NEDD4: variants seen among roughly 807,000 people sequenced by gnomAD.
The protein encoded by NEDD4 is NEDD4 E3 ubiquitin protein ligase.
In NEDD4, 99 loss-of-function variants were observed where a neutral mutation model predicts 144.9. The ratio of observed to expected loss-of-function variants is 0.68; its 90% CI spans 0.58 to 0.81. NEDD4 has a LOEUF of 0.81. Among genes scored for constraint, NEDD4 ranks in the 30% least tolerant of loss-of-function variants. The probability of loss-of-function intolerance (pLI) is 0.00; values close to 1 mark genes in which losing one functional copy is unlikely to be tolerated. For synonymous variants in NEDD4, 318 were observed against 350.6 expected, an observed-to-expected ratio of 0.91 and a Z score of 1.04; for missense variants, 985 against 1,065.9, an observed-to-expected ratio of 0.92 and a Z score of 1.06.
chr15:55,945,767 G>C (rs950117771), intron 4 of NEDD4, among the ~76,000 whole-genome samples: 20 of 152,038 alleles, frequency 1.3e-4, no homozygotes, highest in African/African-American at 4.3e-4. Flanking sequence ...AGAGAAAGGT[G>C]AGGTTACCCA....
At chr15:55,933,774 T>A (rs752584655) in intron 4 of NEDD4, among the ~76,000 whole-genome samples, 72 of 152,164 alleles carry the variant, frequency 4.7e-4, no homozygotes, top group Non-Finnish European at 7.5e-4. Context: ...ATGTGTTTGC[T>A]TCCCCTTCTA....
intron 2 of NEDD4, among the ~76,000 whole-genome samples, chr15:55,956,620 A>T (rs886983464): frequency 1.3e-5 from 2 of 152,086 alleles, no homozygotes; most frequent in African/African-American, 2.4e-5. Flanking sequence ...TCGCTCTCTC[A>T]CACACACATG....
chr15:55,937,107 A>C (rs1461483999), intron 4 of NEDD4, among the ~76,000 whole-genome samples: 1 of 152,182 alleles, frequency 6.6e-6, no homozygotes, highest in Non-Finnish European at 1.5e-5. Flanking sequence ...TTTGCTATTG[A>C]GCACTAACTT....
At chr15:55,944,945 AAC>A (rs1310174940) in intron 4 of NEDD4, among the ~76,000 whole-genome samples, 1 of 152,174 alleles carries the variant, frequency 6.6e-6, no homozygotes, top group Non-Finnish European at 1.5e-5. Flanking sequence ...AAAACTAACA[AAC>A]ACAAAGGAAT....
At chr15:55,980,609 T>C (rs1230190153) in intron 1 of NEDD4, among the ~76,000 whole-genome samples, 3 of 152,036 alleles carry the variant, frequency 2.0e-5, no homozygotes, top group African/African-American at 7.2e-5. Flanking sequence ...AAACAGTAGA[T>C]TCAACACAGA....
rs1159233681 is a variant in NEDD4, at chr15:55,828,138, C to A, written c.*1759G>T. On this transcript the variant is annotated 3_prime_UTR_variant, in exon 29 of 29. Transcript: ENST00000435532. ...AATCTGTGAATTGCTTCCCCTAAAC[C>A]ATGCTGATGCTGTGGTGTTTGGAAA... 2.0e-5 allele frequency: 3 copies of A among 152,158 alleles called. No individual in the cohort carries two copies. Among genetic ancestry groups the A allele is most frequent in the African/African-American group, 4.8e-5 (2 of 41,438 alleles). The allele number at this position is 152,158 out of a possible 1,614,324, so 9.4% of individuals were successfully genotyped here.
intron 5 of NEDD4, among the ~76,000 whole-genome samples, chr15:55,900,317 A>G (rs1279745656): frequency 1.3e-5 from 2 of 152,184 alleles, no homozygotes; most frequent in African/African-American, 4.8e-5. Flanking sequence ...ACTGAAGAGC[A>G]CTTTATAGCT....
At chr15:55,889,876 ATTT>A (rs1459240414) in intron 5 of NEDD4, among the ~76,000 whole-genome samples, 1 of 151,836 alleles carries the variant, frequency 6.6e-6, no homozygotes, top group East Asian at 1.9e-4. Flanking sequence ...AATTTCTTGT[ATTT>A]TTTAGTAGAG....
rs148010425 is a variant in NEDD4, at chr15:55,980,784, G to A, written c.45+12727C>T. On this transcript the variant is annotated intron_variant, in intron 1 of 28. Coordinates refer to ENST00000435532, the MANE Select transcript of NEDD4 (RefSeq NM_006154.4). The stretch of plus-strand genomic sequence containing the variant: ...AATGGCTAGCATTCATTTTTAGTGT[G>A]TGTGTAGGGGTGTGTGTGTGTGTGT... 5.6e-3 allele frequency among the ~76,000 whole-genome samples: 856 copies of A among 152,026 alleles called. 5 individuals are homozygous for A. The highest frequency in any genetic ancestry group is 0.02 in the African/African-American group (814 of 41,422).
chr15:55,977,540 C>CA (rs2037726479), intron 1 of NEDD4, among the ~76,000 whole-genome samples: 1 of 152,048 alleles, frequency 6.6e-6, no homozygotes, highest in Admixed American at 6.6e-5. Flanking sequence ...TAACACAACA[C>CA]AAAAAACTCT....
At chr15:55,949,411 G>C (rs1399991280) in intron 4 of NEDD4, among the ~76,000 whole-genome samples, 1 of 152,176 alleles carries the variant, frequency 6.6e-6, no homozygotes, top group Non-Finnish European at 1.5e-5. Flanking sequence ...CAAGGATCTA[G>C]AACAAGAAAT....
rs2033863413 is a variant in NEDD4 at position 55,848,874 on chromosome 15, A to G, written c.1360T>C (p.Leu454=). 2 of 1,613,502 alleles carry G rather than the reference A, an allele frequency of 1.2e-6. No homozygotes were observed. The highest frequency in any genetic ancestry group is 2.2e-5 in the East Asian group (1 of 44,782). The change falls in exon 15 of 29, where the codon TTG becomes CTG. Residue 454 remains leucine (L), a synonymous_variant. Coordinates refer to ENST00000435532, the MANE Select transcript of NEDD4 (RefSeq NM_006154.4). The part of the protein sequence containing the change: ...TKTTTWEDPR[L]KIPAHLRGKT... ...CCTCTCAGATGGGCTGGAATTTTCA[A>G]TCTTGGATCTTCCTTTTTTGGTAGA...
chr15:55,897,282 T>C (rs2035770237), intron 5 of NEDD4, among the ~76,000 whole-genome samples: 1 of 152,222 alleles, frequency 6.6e-6, no homozygotes, highest in African/African-American at 2.4e-5. Flanking sequence ...CGATATGGCA[T>C]GTCTTAATGG....
chr15:55,844,590 G>A (rs551627318), intron 18 of NEDD4, among the ~76,000 whole-genome samples: 2 of 152,242 alleles, frequency 1.3e-5, no homozygotes, highest in South Asian at 2.1e-4. Flanking sequence ...CAGGTTACAT[G>A]TCTTTTCTAA....
At chr15:55,931,303 G>A (rs1229315828) in intron 4 of NEDD4, among the ~76,000 whole-genome samples, 1 of 152,104 alleles carries the variant, frequency 6.6e-6, no homozygotes, top group Non-Finnish European at 1.5e-5. Flanking sequence ...GTAACAAACA[G>A]AAACAGTTAA....
At chr15:55,924,748 A>C (rs369333047) in intron 4 of NEDD4, 49 bp from the exon 5 acceptor site, 3 of 1,531,292 alleles carry the variant, frequency 2.0e-6, no homozygotes, top group Non-Finnish European at 1.8e-6. Flanking sequence ...ATCAACCCAC[A>C]GATACTCAGA....
rs145513040 is a variant in NEDD4 at position 55,984,542 on chromosome 15, A to G, written c.45+8969T>C. 2.9e-3 allele frequency among the ~76,000 whole-genome samples: 443 copies of G among 152,340 alleles called. 3 individuals carry two copies. Among genetic ancestry groups the G allele is most frequent in the African/African-American group, 0.01 (424 of 41,584 alleles). ...CAAAGGAGAATACTTTCACTAAAGC[A>G]TCTTTATTGACGGCCATGATTGTTT... On this transcript the variant is annotated intron_variant, in intron 1 of 28. Transcript: ENST00000435532.
chr15:55,916,775 C>A, intron 5 of NEDD4: 2 of 1,613,656 alleles, frequency 1.2e-6, no homozygotes, highest in South Asian at 2.2e-5. Context: ...AGGTTTCTGA[C>A]AAAGGGTAAG....
intron 7 of NEDD4, among the ~76,000 whole-genome samples, chr15:55,871,842 T>C (rs1299808316): frequency 4.6e-5 from 7 of 152,198 alleles, no homozygotes; most frequent in African/African-American, 1.7e-4. Flanking sequence ...TTTCACTAGA[T>C]TTTACTTGTC....
Sources: gnomAD v4.1 joint callset for allele counts (sites outside exome capture counted in the v4.1 genomes callset) on GRCh38, gnomAD v4.1.1 for gene constraint, MANE v1.5 for transcripts, NCBI Gene and HGNC (gene_info 2026-07-23, HGNC 2026-07-21) for gene names.